BCOR: variants seen among roughly 807,000 people sequenced by gnomAD.
The protein encoded by BCOR is BCL6 corepressor, also known as BCL-6 corepressor.
In BCOR, 10 loss-of-function variants were observed where a neutral mutation model predicts 86.7. The observed-to-expected ratio is 0.12, with a 90% CI of 0.07 to 0.20. The LOEUF is 0.20. Among genes scored for constraint, BCOR ranks in the 10% least tolerant of loss-of-function variants. The pLI is 1.00. For missense variants in BCOR, 1,259 were observed against 1,452.1 expected, an observed-to-expected ratio of 0.87 and a Z score of 2.16; for synonymous variants, 611 against 609.0, an observed-to-expected ratio of 1.00 and a Z score of -0.05.
At chrX:40,117,129 C>T (rs987196016) in intron 1 of BCOR, among the ~76,000 whole-genome samples, 2 of 112,446 alleles carry the variant, frequency 1.8e-5, no homozygotes, top group African/African-American at 3.2e-5. Context: ...TAATGCGCCT[C>T]GTATTTGAGT....
At chrX:40,151,495 G>A (rs1938165337) in intron 1 of BCOR, among the ~76,000 whole-genome samples, 1 of 112,742 alleles carries the variant, frequency 8.9e-6, no homozygotes, top group African/African-American at 3.2e-5. Context: ...ATTCTGGCAC[G>A]AAGCCTCACA....
At position 40,062,932 on chromosome X, in the gene BCOR, C is replaced by G. The variant is rs752258567; in HGVS notation, c.3987G>C (p.Lys1329Asn). 2 of 1,206,557 alleles carry G rather than the reference C, an allele frequency of 1.7e-6. No homozygotes were observed. Among genetic ancestry groups the G allele is most frequent in the Admixed American group, 4.4e-5 (2 of 45,488 alleles). The stretch of plus-strand genomic sequence containing the variant: ...CTTCGTCTGCACACAGCACATCTGT[C>G]TTCTGGTTTTCTTTAATTTTCTGCT... Reference protein sequence around the residue: ...AKQQKIKENQKTDVLCADEEE... With the variant: ...AKQQKIKENQNTDVLCADEEE... Residue 1329 changes from lysine (K) to asparagine (N), a missense_variant, in exon 9 of 15, where the codon AAG becomes AAC. Lys to Asn is a moderately conservative substitution (Grantham distance 94). This residue lies in a region of BCOR where 305 missense variants were observed against 286.1 expected (regional missense o/e 1.07). Transcript: ENST00000378444.
intron 1 of BCOR, among the ~76,000 whole-genome samples, chrX:40,148,276 G>C (rs1243313721): frequency 1.8e-5 from 2 of 111,723 alleles, no homozygotes; most frequent in Non-Finnish European, 3.8e-5. Context: ...GTCCGCACAC[G>C]GGGCGGATCA....
chrX:40,144,002 C>T (rs369845089), intron 1 of BCOR, among the ~76,000 whole-genome samples: 102 of 112,100 alleles, frequency 9.1e-4, no homozygotes, highest in African/African-American at 2.9e-3. Flanking sequence ...TGGTCATCAG[C>T]CATTTTCTCC....
chrX:40,066,470 G>A (rs1935206832), intron 6 of BCOR, among the ~76,000 whole-genome samples: 1 of 111,427 alleles, frequency 9.0e-6, no homozygotes. Context: ...ACCTCCCCCG[G>A]TGGGCTTCAT....
At chrX:40,157,822 C>T (rs958380755) in intron 1 of BCOR, among the ~76,000 whole-genome samples, 1 of 112,345 alleles carries the variant, frequency 8.9e-6, no homozygotes, top group African/African-American at 3.2e-5. Context: ...GGCAGGCAGC[C>T]TACACTGCGC....
intron 3 of BCOR, among the ~76,000 whole-genome samples, chrX:40,075,444 T>G (rs1213032210): frequency 8.9e-6 from 1 of 111,791 alleles, no homozygotes; most frequent in Non-Finnish European, 1.9e-5. Flanking sequence ...GCCCATATAT[T>G]AATTCAGTCA....
chrX:40,064,432 G>A lies in BCOR; in HGVS notation c.3406C>T (p.Arg1136Cys), dbSNP rs781365994. The A allele has an allele frequency of 7.4e-6, 9 of 1,211,175 alleles. No homozygotes were observed. Among genetic ancestry groups the A allele is most frequent in the Admixed American group, 6.5e-5 (3 of 46,022 alleles). The change falls in exon 7 of 15, where the codon CGC becomes TGC. Residue 1136 changes from arginine (R) to cysteine (C), a missense_variant. By Grantham distance (180) the Arg-to-Cys change is radical. Coordinates refer to ENST00000378444, the MANE Select transcript of BCOR (RefSeq NM_001123385.2). Reference protein sequence around the residue: ...HSPTLRVDRKRKVSGDSSHTE... With the variant: ...HSPTLRVDRKCKVSGDSSHTE... Reference sequence around the variant, plus strand: ...TGGCTGCTGTCACCTGAGACTTTGCGTTTCCTGTCCACCCGGAGGGTGGGG... The same window carrying A: ...TGGCTGCTGTCACCTGAGACTTTGCATTTCCTGTCCACCCGGAGGGTGGGG...
chrX:40,081,748 T>G (rs1395402736), intron 1 of BCOR, among the ~76,000 whole-genome samples: 1 of 112,510 alleles, frequency 8.9e-6, no homozygotes, highest in African/African-American at 3.2e-5. Flanking sequence ...AACCCCTTTT[T>G]CTAGTAGTGG....
chrX:40,161,241 C>T (rs1480417145), intron 1 of BCOR, among the ~76,000 whole-genome samples: 1 of 107,117 alleles, frequency 9.3e-6, no homozygotes, highest in Non-Finnish European at 1.9e-5. Flanking sequence ...TCGTCTCACT[C>T]TGTCGCCCAG....
intron 1 of BCOR, among the ~76,000 whole-genome samples, chrX:40,084,712 C>A (rs1173206042): frequency 2.0e-5 from 2 of 99,772 alleles, no homozygotes; most frequent in East Asian, 3.1e-4. Flanking sequence ...CACCCCCCCC[C>A]ACCACCACCA....
chrX:40,076,783 G>A (rs891358329), intron 2 of BCOR, among the ~76,000 whole-genome samples: 6 of 112,626 alleles, frequency 5.3e-5, no homozygotes, highest in African/African-American at 1.9e-4. Context: ...ATGTCCCCAA[G>A]GTAGGTAAGC....
chrX:40,057,630 A>T (rs1169158801), intron 10 of BCOR, among the ~76,000 whole-genome samples: 1 of 111,802 alleles, frequency 8.9e-6, no homozygotes, highest in Non-Finnish European at 1.9e-5. Flanking sequence ...AAGAAACTGT[A>T]ATTAGAGACC....
At chrX:40,081,094 A>C (rs1936087627) in intron 1 of BCOR, among the ~76,000 whole-genome samples, 1 of 111,391 alleles carries the variant, frequency 9.0e-6, no homozygotes, top group African/African-American at 3.3e-5. Flanking sequence ...GCCAGCCATA[A>C]TTTCATTGCA....
At chrX:40,054,585 C>A (rs184427077) in intron 12 of BCOR, among the ~76,000 whole-genome samples, 5 of 109,795 alleles carry the variant, frequency 4.6e-5, no homozygotes, top group African/African-American at 1.3e-4. Context: ...GCAGCCTCCA[C>A]CCCTCCACCT....
At chrX:40,131,054 C>T (rs1199930575) in intron 1 of BCOR, among the ~76,000 whole-genome samples, 1 of 111,936 alleles carries the variant, frequency 8.9e-6, no homozygotes, top group Non-Finnish European at 1.9e-5. Flanking sequence ...AGACAGAAGA[C>T]CCACGCCAAC....
At chrX:40,134,411 C>G (rs769409881) in intron 1 of BCOR, among the ~76,000 whole-genome samples, 2 of 111,493 alleles carry the variant, frequency 1.8e-5, no homozygotes, top group Admixed American at 1.9e-4. Context: ...ATGGCTTGAG[C>G]CCAGGAGTTC....
chrX:40,108,238 G>C (rs1937231526), intron 1 of BCOR, among the ~76,000 whole-genome samples: 1 of 112,213 alleles, frequency 8.9e-6, no homozygotes, highest in African/African-American at 3.2e-5. Flanking sequence ...GGTTTGCCCC[G>C]ACACAGCTAG....
chrX:40,064,067 G>A, intron 7 of BCOR, 115 bp from the exon 8 acceptor site: 1 of 653,645 alleles, frequency 1.5e-6, no homozygotes, highest in South Asian at 2.9e-5. Flanking sequence ...CTCTGCTTTT[G>A]GGAAGGGGCC....
Sources: allele counts gnomAD v4.1 joint callset (sites outside exome capture counted in the v4.1 genomes callset), GRCh38; gene constraint gnomAD v4.1.1; regional missense constraint gnomAD v4.1.1; transcripts MANE v1.5; gene names NCBI Gene and HGNC (gene_info 2026-07-23, HGNC 2026-07-21).